Variants in PLA2R1 observed in about 807,000 individuals in gnomAD.
PLA2R1 encodes phospholipase A2 receptor 1.
A neutral mutation model predicts 195.9 loss-of-function variants in PLA2R1; 158 were observed. The observed-to-expected ratio is 0.81, with a 90% CI of 0.71 to 0.92. The LOEUF (loss-of-function observed/expected upper bound fraction) is 0.92, where lower values mean the gene tolerates loss of function less well. Ranked by LOEUF, PLA2R1 falls within the 40% of genes least tolerant of loss-of-function variation. The pLI is 0.00. For missense variants in PLA2R1, 1,626 were observed against 1,764.6 expected, an observed-to-expected ratio of 0.92 and a Z score of 1.41; for synonymous variants, 586 against 598.2, an observed-to-expected ratio of 0.98 and a Z score of 0.30.
Position 160,059,399 on chromosome 2 carries a change from G to A in PLA2R1, c.109+2896C>T, listed in dbSNP as rs576426675. On this transcript the variant is annotated intron_variant, in intron 1 of 29. Coordinates refer to ENST00000283243, the MANE Select transcript of PLA2R1 (RefSeq NM_007366.5). The stretch of plus-strand genomic sequence containing the variant: ...GGCTGTCAACCTGTCAAAATGTCTG[G>A]ATTGGCCAGAGGAAGAGGGTGCCAT... Among the ~76,000 whole-genome samples, 6 of 152,318 alleles carry A rather than the reference G, an allele frequency of 3.9e-5. No individual in the cohort carries two copies. In the East Asian group the frequency reaches 7.7e-4, roughly 20 times the overall value.
At chr2:160,026,120 G>A (rs907989948) in intron 6 of PLA2R1, among the ~76,000 whole-genome samples, 1 of 152,258 alleles carries the variant, frequency 6.6e-6, no homozygotes, top group African/African-American at 2.4e-5. Flanking sequence ...ATGACATCAT[G>A]TTGAATACTT....
intron 1 of PLA2R1, among the ~76,000 whole-genome samples, chr2:160,049,630 G>T (rs1341079781): frequency 6.6e-6 from 1 of 151,942 alleles, no homozygotes; most frequent in East Asian, 1.9e-4. Flanking sequence ...CACTTTGGGA[G>T]GCTAAGGCAG....
intron 20 of PLA2R1, among the ~76,000 whole-genome samples, chr2:159,966,119 A>G (rs1688772025): frequency 6.6e-6 from 1 of 152,198 alleles, no homozygotes; most frequent in Non-Finnish European, 1.5e-5. Flanking sequence ...CATACAATCA[A>G]TTAGCTAAGG....
intron 11 of PLA2R1, among the ~76,000 whole-genome samples, chr2:159,992,367 A>G (rs1437520250): frequency 2.6e-5 from 4 of 151,138 alleles, no homozygotes; most frequent in African/African-American, 9.7e-5. Flanking sequence ...TTATACACCA[A>G]CAACAGACAA....
At chr2:160,051,955 T>C (rs919972794) in intron 1 of PLA2R1, among the ~76,000 whole-genome samples, 1 of 152,232 alleles carries the variant, frequency 6.6e-6, no homozygotes, top group African/African-American at 2.4e-5. Context: ...ACTAAAAAGT[T>C]ACCCAAGTAC....
At position 160,039,271 on chromosome 2, in the gene PLA2R1, A is replaced by C. The variant is rs147115227; in HGVS notation, c.667+2754T>G. Reference sequence around the variant, plus strand: ...CAGGTTGGTATCGTAAAAATATCTCAAATTAACTAAGTGTGATTCTGCAGC... The same window carrying C: ...CAGGTTGGTATCGTAAAAATATCTCCAATTAACTAAGTGTGATTCTGCAGC... On this transcript the variant is annotated intron_variant, in intron 3 of 29. Transcript: ENST00000283243. Among the ~76,000 whole-genome samples, 13 of 152,260 alleles carry C rather than the reference A, an allele frequency of 8.5e-5. No individual in the cohort carries two copies. In the East Asian group the frequency reaches 2.5e-3, roughly 29 times the overall value.
chr2:160,016,640 A>T lies in PLA2R1; in HGVS notation c.1525T>A (p.Ser509Thr), dbSNP rs2105449585. ...YICKKAGHVL[S>T]DAESGCQEGW... ...TCTTGACATCCTGATTCAGCATCAG[A>T]GAGGACATGGCCTGCTTTTTTACAA... The change falls in exon 9 of 30, where the codon TCT becomes ACT. Residue 509 changes from serine to threonine, a missense_variant. Transcript: ENST00000283243. 5 of 1,605,882 alleles carry T rather than the reference A, an allele frequency of 3.1e-6. No homozygotes were observed. The East Asian group carries it at 1.1e-4, about 36-fold the overall frequency.
intron 20 of PLA2R1, among the ~76,000 whole-genome samples, chr2:159,961,364 T>C (rs1477093048): frequency 6.6e-6 from 1 of 152,162 alleles, no homozygotes; most frequent in Non-Finnish European, 1.5e-5. Flanking sequence ...GGGTAAATAT[T>C]GGCCACACAT....
intron 11 of PLA2R1, among the ~76,000 whole-genome samples, chr2:159,995,680 G>A (rs1156758513): frequency 6.6e-6 from 1 of 151,958 alleles, no homozygotes; most frequent in Non-Finnish European, 1.5e-5. Flanking sequence ...AATTTCCTAA[G>A]CTGATGTTTA....
intron 14 of PLA2R1, among the ~76,000 whole-genome samples, chr2:159,977,754 G>A (rs912896460): frequency 5.3e-5 from 8 of 151,940 alleles, no homozygotes; most frequent in Non-Finnish European, 7.4e-5. Context: ...TGGCTAACAC[G>A]GTGAAACCCC....
chr2:159,929,140 A>G (rs1408022291), downstream of PLA2R1, among the ~76,000 whole-genome samples: 1 of 152,222 alleles, frequency 6.6e-6, no homozygotes, highest in Non-Finnish European at 1.5e-5. Context: ...ACAAAAACAA[A>G]GATAAATAGA....
At chr2:159,964,887 C>T (rs1198121517) in intron 20 of PLA2R1, among the ~76,000 whole-genome samples, 17 of 151,942 alleles carry the variant, frequency 1.1e-4, no homozygotes, top group African/African-American at 3.9e-4. Flanking sequence ...ATTAGTCAGG[C>T]GTGGTGGCAG....
At chr2:160,013,711 C>CTGTGTG (rs1558927364) in intron 9 of PLA2R1, among the ~76,000 whole-genome samples, 5 of 91,076 alleles carry the variant, frequency 5.5e-5, no homozygotes, top group South Asian at 3.3e-4. Context: ...CTGTCTCTCT[C>CTGTGTG]TCTCTCTCTC....
At chr2:159,987,507 C>G in intron 11 of PLA2R1, 149 bp from the exon 12 acceptor site, 2 of 614,018 alleles carry the variant, frequency 3.3e-6, no homozygotes, top group Non-Finnish European at 2.9e-6. Context: ...TCTTATTGAC[C>G]TGATTATGTC....
At chr2:159,969,571 CT>C (rs746570175) in intron 18 of PLA2R1, among the ~76,000 whole-genome samples, 3 of 152,062 alleles carry the variant, frequency 2.0e-5, no homozygotes, top group African/African-American at 4.8e-5. Context: ...GAGATGGAGT[CT>C]CTCTCTGTCA....
chr2:160,012,073 T>C (rs1360787752), intron 10 of PLA2R1, among the ~76,000 whole-genome samples: 1 of 152,144 alleles, frequency 6.6e-6, no homozygotes, highest in African/African-American at 2.4e-5. Flanking sequence ...CAGCTTTGGA[T>C]GTTGACTTCC....
chr2:159,943,057 T>C (rs1687178341), intron 28 of PLA2R1, among the ~76,000 whole-genome samples: 1 of 151,696 alleles, frequency 6.6e-6, no homozygotes, highest in South Asian at 2.1e-4. Flanking sequence ...CTGCAACCTC[T>C]GCCCTGGGTT....
At chr2:160,055,681 G>A (rs1465645165) in intron 1 of PLA2R1, among the ~76,000 whole-genome samples, 1 of 152,200 alleles carries the variant, frequency 6.6e-6, no homozygotes, top group Non-Finnish European at 1.5e-5. Flanking sequence ...CATGCTGCAA[G>A]CTCCTGTGGG....
chr2:159,951,081 A>G (rs189769008), intron 24 of PLA2R1, among the ~76,000 whole-genome samples: 1 of 152,330 alleles, frequency 6.6e-6, no homozygotes, highest in African/African-American at 2.4e-5. Flanking sequence ...GGAAATTTTC[A>G]GAGAACCTTT....
Sources: allele counts gnomAD v4.1 joint callset (sites outside exome capture counted in the v4.1 genomes callset), GRCh38; gene constraint gnomAD v4.1.1; transcripts MANE v1.5; gene names NCBI Gene and HGNC (gene_info 2026-07-23, HGNC 2026-07-21).